PAQR3: variants seen among roughly 807,000 people sequenced by gnomAD.
PAQR3 encodes the protein progestin and adipoQ receptor family member 3, also known as Raf kinase trapping to Golgi.
A neutral mutation model predicts 41.7 loss-of-function variants in PAQR3; 39 were observed. That is an observed-to-expected ratio of 0.93 (90% CI 0.72 to 1.22). The LOEUF is 1.22. Ranked by LOEUF, PAQR3 falls within the 50% of genes most tolerant of loss-of-function variation. The pLI is 0.00. For missense variants in PAQR3, 366 were observed against 385.6 expected, an observed-to-expected ratio of 0.95 and a Z score of 0.42; for synonymous variants, 140 against 140.6, an observed-to-expected ratio of 1.00 and a Z score of 0.03.
At chr4:78,903,417 TC>T (rs1560555391) in intron 11 of PAQR3, among the ~76,000 whole-genome samples, 1 of 151,980 alleles carries the variant, frequency 6.6e-6, no homozygotes, top group Non-Finnish European at 1.5e-5. Context: ...CTTCTTTGTA[TC>T]CCATACAATA....
At chr4:78,903,388 A>G (rs989020011) in intron 11 of PAQR3, among the ~76,000 whole-genome samples, 1 of 151,904 alleles carries the variant, frequency 6.6e-6, no homozygotes, top group African/African-American at 2.4e-5. Flanking sequence ...AGCTTCTTGA[A>G]GTCTGGTATT....
chr4:78,907,070 G>T (rs184564239), downstream of PAQR3, among the ~76,000 whole-genome samples: 5 of 152,198 alleles, frequency 3.3e-5, no homozygotes, highest in Non-Finnish European at 7.4e-5. Flanking sequence ...TATCTAAAAT[G>T]CCGAAAAACT....
intron 11 of PAQR3, among the ~76,000 whole-genome samples, chr4:78,894,970 G>T (rs2110085121): frequency 6.6e-6 from 1 of 152,300 alleles, no homozygotes; most frequent in Middle Eastern, 3.4e-3. Context: ...CGGTAGATCA[G>T]TCAGAACACA....
At chr4:78,891,705 C>A (rs542755519) in intron 11 of PAQR3, among the ~76,000 whole-genome samples, 1 of 152,102 alleles carries the variant, frequency 6.6e-6, no homozygotes, top group East Asian at 1.9e-4. Flanking sequence ...CACATTTTGC[C>A]ACACCTTTTC....
intron 11 of PAQR3, among the ~76,000 whole-genome samples, chr4:78,904,048 A>G (rs1734158279): frequency 6.6e-6 from 1 of 152,014 alleles, no homozygotes; most frequent in Non-Finnish European, 1.5e-5. Context: ...TATGCTTTCA[A>G]GATATAATTG....
In PAQR3 at chr4:78,939,402, G is replaced by C. The variant is rs970592312; in HGVS notation, c.-178C>G. 2 of 353,710 alleles carry C rather than the reference G, an allele frequency of 5.7e-6. No homozygotes were observed. Among genetic ancestry groups the C allele is most frequent in the African/African-American group, 4.4e-5 (2 of 45,822 alleles). The allele number at this position is 353,710 out of a possible 1,614,324, so 21.9% of individuals were successfully genotyped here. A position where few individuals can be genotyped will look rare whatever the true frequency, so the allele number is the denominator to read the frequency against. On this transcript the variant is annotated 5_prime_UTR_variant, in exon 1 of 6. Coordinates refer to ENST00000512733, the MANE Select transcript of PAQR3 (RefSeq NM_001040202.2). ...GCGCTCACACCGGCCACTGCCGCCA[G>C]CGCCGCGGCGGACCCGGCAGCGTCG...
intron 2 of PAQR3, among the ~76,000 whole-genome samples, chr4:78,932,480 C>T (rs995746410): frequency 6.6e-6 from 1 of 152,020 alleles, no homozygotes; most frequent in African/African-American, 2.4e-5. Context: ...AGTAGGTAGA[C>T]AGGTAAGGGA....
In PAQR3 at chr4:78,919,967, T is replaced by C. The variant is rs1227265409; in HGVS notation, c.*572A>G. On this transcript the variant is annotated 3_prime_UTR_variant, in exon 6 of 6. Coordinates refer to ENST00000512733, the MANE Select transcript of PAQR3 (RefSeq NM_001040202.2). ...GCTTTTGTTCTGGAAAACTAAAATA[T>C]CTAATGTTCTTAGGGAGAGAAGAAC... is the stretch of plus-strand genomic sequence containing the variant. 2.0e-6 allele frequency: 2 copies of C among 985,130 alleles called. No individual in the cohort carries two copies. Among genetic ancestry groups the C allele is most frequent in the African/African-American group, 1.7e-5 (1 of 57,184 alleles). The allele number at this position is 985,130 out of a possible 1,614,324, so 61.0% of individuals were successfully genotyped here. A position where few individuals can be genotyped will look rare whatever the true frequency, so the allele number is the denominator to read the frequency against.
intron 5 of PAQR3, 22 bp downstream of exon 5, chr4:78,923,835 C>G (rs775295765): frequency 1.1e-5 from 16 of 1,516,820 alleles, no homozygotes; most frequent in Admixed American, 1.0e-4. Flanking sequence ...CAATACAAAA[C>G]TGCTATAAAA....
chr4:78,918,588 A>C lies in PAQR3; in HGVS notation c.*1951T>G, dbSNP rs1446757223. On this transcript the variant is annotated 3_prime_UTR_variant, in exon 6 of 6. Coordinates refer to ENST00000512733, the MANE Select transcript of PAQR3 (RefSeq NM_001040202.2). ...AAAGACCTGTACACCCTTTAAATTC[A>C]AAGAAACACGGATTTAAAAACACAG... The C allele has an allele frequency of 1.0e-6, 1 of 973,574 alleles. No homozygotes were observed. The highest frequency in any genetic ancestry group is 1.1e-4 in the East Asian group (1 of 8,788). 60.3% of individuals were successfully genotyped at this position (973,574 alleles called of 1,614,324 possible). A position where few individuals can be genotyped will look rare whatever the true frequency, so the allele number is the denominator to read the frequency against.
At chr4:78,926,201 A>G (rs1468210381) in intron 4 of PAQR3, among the ~76,000 whole-genome samples, 9 of 152,212 alleles carry the variant, frequency 5.9e-5, no homozygotes, top group Admixed American at 2.6e-4. Context: ...CTGATCCCGC[A>G]GACAAAGCTA....
In PAQR3 at chr4:78,919,298, C is replaced by T. The variant is rs191492244; in HGVS notation, c.*1241G>A. The T allele has an allele frequency of 4.5e-3, 4,391 of 984,042 alleles. 16 individuals carry two copies. Among genetic ancestry groups the T allele is most frequent in the Non-Finnish European group, 5.0e-3 (4,170 of 828,828 alleles). The allele number at this position is 984,042 out of a possible 1,614,324, so 61.0% of individuals were successfully genotyped here. A position where few individuals can be genotyped will look rare whatever the true frequency, so the allele number is the denominator to read the frequency against. On this transcript the variant is annotated 3_prime_UTR_variant, in exon 6 of 6. Transcript: ENST00000512733. ...GAAGAAACTTGGGTAATATTTTATA[C>T]TCCAATAAACAATGTAAGTTTTTAT...
downstream of PAQR3, among the ~76,000 whole-genome samples, chr4:78,909,236 C>T (rs1577985444): frequency 6.6e-6 from 1 of 151,900 alleles, no homozygotes; most frequent in East Asian, 1.9e-4. Context: ...TGGGGTTTCA[C>T]CATGTTGGCC....
chr4:78,896,462 T>C (rs938236952), intron 11 of PAQR3, among the ~76,000 whole-genome samples: 3 of 152,206 alleles, frequency 2.0e-5, no homozygotes, highest in Non-Finnish European at 4.4e-5. Context: ...TGTATCAGTT[T>C]CCTCATCTAT....
chr4:78,921,601 A>G lies in PAQR3; in HGVS notation c.794-920T>C, dbSNP rs933650767. 1.4e-5 allele frequency: 12 copies of G among 845,162 alleles called. No homozygotes were observed. In the African/African-American group the frequency reaches 2.0e-4, roughly 14 times the overall value. The allele number at this position is 845,162 out of a possible 1,614,324, so 52.4% of individuals were successfully genotyped here. The stretch of plus-strand genomic sequence containing the variant: ...CAAATATTGATTATCTAATACAACT[A>G]TCAGAGATCCACTCAATTCTATCCA... On this transcript the variant is annotated intron_variant, in intron 5 of 5. Coordinates refer to ENST00000512733, the MANE Select transcript of PAQR3 (RefSeq NM_001040202.2).
At chr4:78,928,279 G>A (rs369177440) in intron 3 of PAQR3, among the ~76,000 whole-genome samples, 1 of 152,102 alleles carries the variant, frequency 6.6e-6, no homozygotes, top group Admixed American at 6.5e-5. Context: ...GATATAAACA[G>A]TTTCATGCAA....
intron 12 of PAQR3, among the ~76,000 whole-genome samples, chr4:78,887,906 A>G (rs898460834): frequency 4.6e-5 from 7 of 152,194 alleles, no homozygotes; most frequent in Admixed American, 2.0e-4. Context: ...ATATGTTAGA[A>G]GAAGTTATGC....
chr4:78,887,504 A>G (rs1214250428), intron 12 of PAQR3, among the ~76,000 whole-genome samples: 1 of 152,206 alleles, frequency 6.6e-6, no homozygotes, highest in Non-Finnish European at 1.5e-5. Flanking sequence ...TTTACACAAT[A>G]GAAACATAAC....
chr4:78,937,320 G>A (rs1204634660), intron 1 of PAQR3, among the ~76,000 whole-genome samples: 3 of 152,192 alleles, frequency 2.0e-5, no homozygotes, highest in South Asian at 2.1e-4. Context: ...AGGTTCTCCC[G>A]TTCAGGCCAC....
Sources: gnomAD v4.1 joint callset for allele counts (sites outside exome capture counted in the v4.1 genomes callset) on GRCh38, gnomAD v4.1.1 for gene constraint, MANE v1.5 for transcripts, NCBI Gene and HGNC (gene_info 2026-07-23, HGNC 2026-07-21) for gene names.